The following NLGN3 variants were observed in gnomAD, a reference collection of about 807,000 sequenced individuals.
NLGN3 encodes neuroligin 3.
A neutral mutation model predicts 42.9 loss-of-function variants in NLGN3; 11 were observed. That is an observed-to-expected ratio of 0.26 (90% CI 0.16 to 0.42). The LOEUF is 0.42. Among genes scored for constraint, NLGN3 ranks in the 10% least tolerant of loss-of-function variants. The pLI is 1.00. For missense variants in NLGN3, 374 were observed against 733.8 expected (o/e 0.51, Z 5.67); for synonymous variants, 279 against 312.7 (o/e 0.89, Z 1.14).
chrX:71,157,765 T>C (rs1434303837), intron 5 of NLGN3, among the ~76,000 whole-genome samples: 2 of 111,377 alleles, frequency 1.8e-5, no homozygotes, highest in Admixed American at 1.9e-4. Context: ...GATAGGAAGA[T>C]ACTCTTTTGG....
intron 5 of NLGN3, among the ~76,000 whole-genome samples, chrX:71,162,877 T>C (rs1406533573): frequency 8.9e-6 from 1 of 111,782 alleles, no homozygotes; most frequent in Non-Finnish European, 1.9e-5. Flanking sequence ...GAATGAGCTT[T>C]TAACTGGGGA....
rs1210930898 is a variant in NLGN3 at position 71,155,332 on chromosome X, C to G, written c.696C>G (p.Val232=). The change falls in exon 5 of 8, where the codon GTC becomes GTG. Residue 232 remains valine, a synonymous_variant. Coordinates refer to ENST00000358741, the MANE Select transcript of NLGN3 (RefSeq NM_181303.2). ...TCGCCAGTTATGGCAATGTCATCGTCATCACCCTCAACTATCGGGTTGGAG... is the reference window on the plus strand; with the variant it reads ...TCGCCAGTTATGGCAATGTCATCGTGATCACCCTCAACTATCGGGTTGGAG... ...SILASYGNVI[V]ITLNYRVGVL... 3 of 1,212,355 alleles carry G rather than the reference C, an allele frequency of 2.5e-6. No individual in the cohort carries two copies. Among genetic ancestry groups the G allele is most frequent in the Non-Finnish European group, 3.3e-6 (3 of 895,600 alleles).
chrX:71,170,277 G>C lies in NLGN3; in HGVS notation c.*180G>C. The C allele has an allele frequency of 8.9e-7, 1 of 1,120,165 alleles. No homozygotes were observed. The highest frequency in any genetic ancestry group is 1.8e-5 in the African/African-American group (1 of 55,307). The allele number at this position is 1,120,165 out of a possible 1,213,427, so 92.3% of individuals were successfully genotyped here. A position where few individuals can be genotyped will look rare whatever the true frequency, so the allele number is the denominator to read the frequency against. On this transcript the variant is annotated 3_prime_UTR_variant, in exon 8 of 8. Transcript: ENST00000358741. ...CATAGACAGATGTGGACATGCACCC[G>C]CATGTACAAAAACACAAATACGGAA... is the stretch of plus-strand genomic sequence containing the variant.
chrX:71,164,417 C>T (rs7051693), intron 6 of NLGN3, 89 bp downstream of exon 6: 136,129 of 940,443 alleles, frequency 0.14, 14,898 homozygotes, highest in African/African-American at 0.68. Context: ...CCAAGGGAAT[C>T]GGCCAGCTCT....
downstream of NLGN3, among the ~76,000 whole-genome samples, chrX:71,172,627 C>CAT (rs376125375): frequency 3.0e-5 from 3 of 100,498 alleles, no homozygotes; most frequent in African/African-American, 1.1e-4. Context: ...TGTGTGCATG[C>CAT]GTGTGTGTGT....
Position 71,170,325 on chromosome X carries a change from A to C in NLGN3, c.*228A>C. ...GAAGTAAACCTGAACAAACCCTTTA[A>C]ATGGGGACGCAGATGAGTCCTCGGT... On this transcript the variant is annotated 3_prime_UTR_variant, in exon 8 of 8. Coordinates refer to ENST00000358741, the MANE Select transcript of NLGN3 (RefSeq NM_181303.2). 9.4e-7 allele frequency: 1 copy of C among 1,067,064 alleles called. No homozygotes were observed. The highest frequency in any genetic ancestry group is 1.2e-6 in the Non-Finnish European group (1 of 823,463). The allele number at this position is 1,067,064 out of a possible 1,213,427, so 87.9% of individuals were successfully genotyped here. A position where few individuals can be genotyped will look rare whatever the true frequency, so the allele number is the denominator to read the frequency against.
At chrX:71,171,610 T>C, downstream of NLGN3, 2 of 714,568 alleles carry the variant, frequency 2.8e-6, no homozygotes, top group Non-Finnish European at 3.3e-6. Context: ...GGGAGGAGGT[T>C]TGACCTCTAA....
chrX:71,160,359 G>C (rs2092426157), intron 5 of NLGN3, among the ~76,000 whole-genome samples: 1 of 109,245 alleles, frequency 9.2e-6, no homozygotes, highest in Non-Finnish European at 1.9e-5. Flanking sequence ...TGGGATTACA[G>C]GCGCCTGCCA....
rs750351167 is a variant in NLGN3, at chrX:71,169,542, C to T, written c.1992C>T (p.Gly664=). 4.1e-6 allele frequency: 5 copies of T among 1,212,077 alleles called. No homozygotes were observed. The highest frequency in any genetic ancestry group is 5.6e-6 in the Non-Finnish European group (5 of 895,483). ...CCCACATCACCCGCAGGCCCAATGG[C>T]AAGACCTGGAGCACCAAGCGGCCAG... ...HSSHITRRPN[G]KTWSTKRPAI... Residue 664 remains glycine, a synonymous_variant, in exon 8 of 8, where the codon GGC becomes GGT. Transcript: ENST00000358741.
chrX:71,160,625 C>A (rs755625567), intron 5 of NLGN3, among the ~76,000 whole-genome samples: 36 of 112,216 alleles, frequency 3.2e-4, no homozygotes, highest in Middle Eastern at 4.6e-3. Flanking sequence ...TTTGAGAAGG[C>A]CCCACTGGGC....
At chrX:71,155,454 C>A in intron 5 of NLGN3, 91 bp downstream of exon 5, 1 of 1,069,477 alleles carries the variant, frequency 9.4e-7, no homozygotes. Context: ...GATAGCCTTG[C>A]TTCTCTAGCT....
At chrX:71,166,979 A>C in intron 6 of NLGN3, 32 bp from the exon 7 acceptor site, 1 of 1,133,861 alleles carries the variant, frequency 8.8e-7, no homozygotes, top group Non-Finnish European at 1.2e-6. Flanking sequence ...GTGACACGAC[A>C]GATCTGACCT....
chrX:71,155,022 A>G (rs2092403636), intron 4 of NLGN3, among the ~76,000 whole-genome samples, 192 bp from the exon 5 acceptor site: 1 of 112,171 alleles, frequency 8.9e-6, no homozygotes, highest in East Asian at 2.8e-4. Context: ...TAAAAATATC[A>G]CTGAAGCCCC....
In NLGN3 at chrX:71,170,119, A is replaced by G. The variant is rs188769081; in HGVS notation, c.*22A>G. 1.5e-3 allele frequency: 1,783 copies of G among 1,203,328 alleles called. 14 individuals carry two copies. Among genetic ancestry groups the G allele is most frequent in the East Asian group, 2.8e-3 (95 of 33,602 alleles). ...ATAGCTCCAACTCAGAGCACAGCCAATCTCCAGGCTCCCTCCCTCCCAGAT... is the reference window on the plus strand; with the variant it reads ...ATAGCTCCAACTCAGAGCACAGCCAGTCTCCAGGCTCCCTCCCTCCCAGAT... On this transcript the variant is annotated 3_prime_UTR_variant, in exon 8 of 8. Coordinates refer to ENST00000358741, the MANE Select transcript of NLGN3 (RefSeq NM_181303.2).
At position 71,153,503 on chromosome X, in the gene NLGN3, G is replaced by T; in HGVS notation, c.544G>T (p.Asp182Tyr). The change falls in exon 4 of 8, where the codon GAC becomes TAC. Residue 182 changes from aspartate (D) to tyrosine (Y), a missense_variant. Coordinates refer to ENST00000358741, the MANE Select transcript of NLGN3 (RefSeq NM_181303.2). ...GGSGAKKQGE[D>Y]LADNDGDEDE... Reference sequence around the variant, plus strand: ...ATCCGGCGCTAAGAAACAGGGCGAGGACTTAGCGGATAATGACGGGGATGA... The same window carrying T: ...ATCCGGCGCTAAGAAACAGGGCGAGTACTTAGCGGATAATGACGGGGATGA... 8.3e-7 allele frequency: 1 copy of T among 1,209,632 alleles called. No individual in the cohort carries two copies. Among genetic ancestry groups the T allele is most frequent in the Non-Finnish European group, 1.1e-6 (1 of 894,225 alleles).
At chrX:71,168,818 AAAAAAAG>A (rs1427601914) in intron 7 of NLGN3, among the ~76,000 whole-genome samples, 1 of 77,435 alleles carries the variant, frequency 1.3e-5, no homozygotes, top group Non-Finnish European at 2.3e-5. Context: ...GAAAGAGAAA[AAAAAAAG>A]AAAGAAAGAA....
chrX:71,149,388 C>T (rs750658072), intron 3 of NLGN3, among the ~76,000 whole-genome samples: 2 of 111,543 alleles, frequency 1.8e-5, no homozygotes, highest in African/African-American at 6.5e-5. Context: ...CTCTGTCTCC[C>T]ACCCCACTAC....
chrX:71,146,180 C>CACAG (rs1569483405), intron 1 of NLGN3, among the ~76,000 whole-genome samples: 3 of 72,258 alleles, frequency 4.2e-5, no homozygotes, highest in African/African-American at 6.2e-5. Context: ...CAGACACACA[C>CACAG]ACACACACAC....
At chrX:71,172,164 A>G (rs755062566), downstream of NLGN3, among the ~76,000 whole-genome samples, 22 of 111,709 alleles carry the variant, frequency 2.0e-4, no homozygotes, top group African/African-American at 7.2e-4. Context: ...AGATGGTGTA[A>G]GGGTACATCA....
Sources: gnomAD v4.1 joint callset for allele counts (sites outside exome capture counted in the v4.1 genomes callset) on GRCh38, gnomAD v4.1.1 for gene constraint, MANE v1.5 for transcripts, NCBI Gene and HGNC (gene_info 2026-07-23, HGNC 2026-07-21) for gene names.